Variants in FRMD3 observed in about 807,000 individuals in gnomAD.
FRMD3 encodes the protein FERM domain containing 3.
In FRMD3, 33 loss-of-function variants were observed where a neutral mutation model predicts 70.2. The observed-to-expected ratio is 0.47, with a 90% CI of 0.36 to 0.63. FRMD3 has a LOEUF of 0.63. Ranked by LOEUF, FRMD3 falls within the 20% of genes least tolerant of loss-of-function variation. The pLI is 0.00. For synonymous variants in FRMD3, 279 were observed against 255.9 expected (o/e 1.09, Z -0.86); for missense variants, 632 against 711.4 (o/e 0.89, Z 1.27).
intron 6 of FRMD3, 83 bp downstream of exon 6, chr9:83,335,433 T>C (rs913164355): frequency 3.4e-5 from 47 of 1,399,488 alleles, no homozygotes; most frequent in South Asian, 2.5e-5. Flanking sequence ...ATATTCCTCC[T>C]TCACGATGTG....
chr9:83,425,226 T>C (rs530876594), intron 1 of FRMD3, among the ~76,000 whole-genome samples: 1 of 152,322 alleles, frequency 6.6e-6, no homozygotes, highest in Admixed American at 6.5e-5. Context: ...TTAATGTAGA[T>C]ATATATCCTA....
intron 2 of FRMD3, among the ~76,000 whole-genome samples, chr9:83,385,759 CAATT>C (rs1825494008): frequency 6.6e-6 from 1 of 151,876 alleles, no homozygotes; most frequent in Non-Finnish European, 1.5e-5. Context: ...AAATGTTGGT[CAATT>C]AATATCTGTT....
intron 1 of FRMD3, among the ~76,000 whole-genome samples, chr9:83,433,718 C>T (rs983173646): frequency 6.6e-6 from 1 of 151,508 alleles, no homozygotes; most frequent in East Asian, 1.9e-4. Context: ...GCATTAGATT[C>T]TCATAGGGAA....
intron 6 of FRMD3, among the ~76,000 whole-genome samples, chr9:83,330,337 AC>A (rs1238690911): frequency 8.7e-4 from 117 of 134,926 alleles, no homozygotes; most frequent in Non-Finnish European, 1.5e-3. Context: ...AAAAAAAAAA[AC>A]AAAAAAAACA....
At chr9:83,332,378 TTCTC>T (rs374456214) in intron 6 of FRMD3, among the ~76,000 whole-genome samples, 126 of 143,280 alleles carry the variant, frequency 8.8e-4, no homozygotes, top group African/African-American at 3.0e-3. Flanking sequence ...CTCTCTCTCT[TTCTC>T]TCTCTCTCTC....
intron 2 of FRMD3, among the ~76,000 whole-genome samples, chr9:83,385,613 C>T (rs1825489486): frequency 6.6e-6 from 1 of 152,030 alleles, no homozygotes; most frequent in Admixed American, 6.5e-5. Flanking sequence ...GGCAAACCAC[C>T]AGCCCCCAAG....
chr9:83,575,279 G>A, the FRMD3 span, among the ~76,000 whole-genome samples: 1 of 152,200 alleles, frequency 6.6e-6, no homozygotes, highest in African/African-American at 2.4e-5. Context: ...GAACTAGAAC[G>A]AGGGGTTTAG....
chr9:83,478,247 A>G (rs1239636184), intron 1 of FRMD3, among the ~76,000 whole-genome samples: 1 of 152,196 alleles, frequency 6.6e-6, no homozygotes, highest in Non-Finnish European at 1.5e-5. Flanking sequence ...TCCTCCCATA[A>G]GAAGGGCTCT....
intron 1 of FRMD3, among the ~76,000 whole-genome samples, chr9:83,453,142 C>A (rs1827717536): frequency 6.6e-6 from 1 of 152,148 alleles, no homozygotes; most frequent in Admixed American, 6.5e-5. Flanking sequence ...AGGCGTAAGC[C>A]ACTGCACCTG....
At chr9:83,326,074 C>G (rs1229851396) in intron 6 of FRMD3, among the ~76,000 whole-genome samples, 1 of 152,092 alleles carries the variant, frequency 6.6e-6, no homozygotes, top group Admixed American at 6.5e-5. Flanking sequence ...TTTTCTGAAC[C>G]CTGATCTGGG....
chr9:83,348,048 A>C (rs944595372), intron 4 of FRMD3, among the ~76,000 whole-genome samples: 1 of 152,230 alleles, frequency 6.6e-6, no homozygotes, highest in African/African-American at 2.4e-5. Flanking sequence ...TTACTTTCAA[A>C]TAGGACTTTT....
At chr9:83,481,446 A>T (rs1433808094) in intron 1 of FRMD3, among the ~76,000 whole-genome samples, 1 of 152,224 alleles carries the variant, frequency 6.6e-6, no homozygotes. Context: ...AATGATGATT[A>T]CAAAGATTTT....
chr9:83,489,775 G>A (rs955486944), intron 1 of FRMD3, among the ~76,000 whole-genome samples: 5 of 152,242 alleles, frequency 3.3e-5, no homozygotes, highest in African/African-American at 1.2e-4. Flanking sequence ...AAAAAATCAC[G>A]TTTAATAGCT....
At chr9:83,296,172 C>A (rs1834655068) in intron 12 of FRMD3, among the ~76,000 whole-genome samples, 1 of 152,188 alleles carries the variant, frequency 6.6e-6, no homozygotes, top group South Asian at 2.1e-4. Flanking sequence ...AGCTGAAATA[C>A]TTTGAAAACC....
At position 83,245,234 on chromosome 9, in the gene FRMD3, C is replaced by T. The variant is rs185390416; in HGVS notation, c.*2684G>A. ...ACATATACCAATAATATGGAATATA[C>T]ATATACTCACACACTTGCTTTAAAC... On this transcript the variant is annotated 3_prime_UTR_variant, in exon 14 of 14. Transcript: ENST00000304195. 3.0e-4 allele frequency: 293 copies of T among 983,858 alleles called. 7 individuals are homozygous for T. The East Asian group carries it at 0.019, about 65-fold the overall frequency. The allele number at this position is 983,858 out of a possible 1,614,324, so 60.9% of individuals were successfully genotyped here. A position where few individuals can be genotyped will look rare whatever the true frequency, so the allele number is the denominator to read the frequency against.
At chr9:83,272,698 C>G (rs1367457734) in intron 13 of FRMD3, among the ~76,000 whole-genome samples, 1 of 130,534 alleles carries the variant, frequency 7.7e-6, no homozygotes, top group Non-Finnish European at 1.6e-5. Flanking sequence ...AAGTGAGGAG[C>G]GCCTCTTCCC....
At chr9:83,539,078 TC>T (rs1378926260), upstream of FRMD3, among the ~76,000 whole-genome samples, 1 of 152,210 alleles carries the variant, frequency 6.6e-6, no homozygotes, top group Non-Finnish European at 1.5e-5. Flanking sequence ...CTTAGTGTGA[TC>T]TTTGATAGCA....
chr9:83,572,700 C>T, the FRMD3 span, among the ~76,000 whole-genome samples: 2 of 152,090 alleles, frequency 1.3e-5, no homozygotes, highest in Non-Finnish European at 2.9e-5. Context: ...GTTTTTCTTC[C>T]AGCCTGGTTC....
At chr9:83,422,349 C>T (rs571571376) in intron 1 of FRMD3, among the ~76,000 whole-genome samples, 2 of 152,286 alleles carry the variant, frequency 1.3e-5, no homozygotes, top group East Asian at 3.9e-4. Context: ...CTCTTCATTC[C>T]TCCATATGAT....
Sources: gnomAD v4.1 joint callset for allele counts (sites outside exome capture counted in the v4.1 genomes callset) on GRCh38, gnomAD v4.1.1 for gene constraint, MANE v1.5 for transcripts, NCBI Gene and HGNC (gene_info 2026-07-23, HGNC 2026-07-21) for gene names.